Variants in RABGAP1L observed in about 807,000 individuals in gnomAD.
RABGAP1L encodes the protein RAB GTPase activating protein 1 like.
A neutral mutation model predicts 137.7 loss-of-function variants in RABGAP1L; 63 were observed. The observed-to-expected ratio is 0.46, with a 90% CI of 0.37 to 0.56. RABGAP1L has a LOEUF of 0.56. Among genes scored for constraint, RABGAP1L ranks in the 20% least tolerant of loss-of-function variants. RABGAP1L has a pLI of 0.00. For missense variants in RABGAP1L, 1,095 were observed against 1,244.0 expected (o/e 0.88, Z 1.80); for synonymous variants, 431 against 433.7 (o/e 0.99, Z 0.08).
intron 20 of RABGAP1L, among the ~76,000 whole-genome samples, chr1:174,967,132 C>A (rs767498998): frequency 6.6e-6 from 1 of 151,082 alleles, no homozygotes; most frequent in Non-Finnish European, 1.5e-5. Context: ...AGGAAGGCAG[C>A]GTAAGCATTT....
intron 11 of RABGAP1L, among the ~76,000 whole-genome samples, chr1:174,323,872 G>T (rs996248985): frequency 1.3e-5 from 2 of 152,170 alleles, no homozygotes; most frequent in Admixed American, 6.5e-5. Flanking sequence ...GTTATTAAAG[G>T]CTTGAAAAGG....
At chr1:174,735,281 A>AT (rs371513037) in intron 17 of RABGAP1L, among the ~76,000 whole-genome samples, 85 of 151,552 alleles carry the variant, frequency 5.6e-4, no homozygotes, top group South Asian at 3.6e-3. Flanking sequence ...CAGCCATCTT[A>AT]TTTTTTTATA....
chr1:174,203,896 C>A lies in RABGAP1L; in HGVS notation c.-33-15229C>A, dbSNP rs117493673. On this transcript the variant is annotated intron_variant, in intron 1 of 25. Transcript: ENST00000681986. Reference sequence around the variant, plus strand: ...CTTTCTGATTTGGCTCTTGGCTTAGCTGTTGTTGGTGTATAGGAATGCTAG... The same window carrying A: ...CTTTCTGATTTGGCTCTTGGCTTAGATGTTGTTGGTGTATAGGAATGCTAG... Among the ~76,000 whole-genome samples, 263 of 148,988 alleles carry A rather than the reference C, an allele frequency of 1.8e-3. 1 individual carries two copies. In the East Asian group the frequency reaches 0.028, roughly 16 times the overall value.
chr1:174,187,045 C>T (rs1666855659), intron 1 of RABGAP1L, among the ~76,000 whole-genome samples: 1 of 152,146 alleles, frequency 6.6e-6, no homozygotes. Flanking sequence ...TTTTCAGTTT[C>T]CGAAACTTGC....
In RABGAP1L at chr1:174,573,804, A is replaced by G. The variant is rs561506447; in HGVS notation, c.1711-63571A>G. ...CTGAGAGTAGTAAGTGCTTAACAGAAATATTTAGAAAAAAGTAAAACCAAA... is the reference window on the plus strand; with the variant it reads ...CTGAGAGTAGTAAGTGCTTAACAGAGATATTTAGAAAAAAGTAAAACCAAA... On this transcript the variant is annotated intron_variant, in intron 13 of 25. Transcript: ENST00000681986. Among the ~76,000 whole-genome samples the G allele has an allele frequency of 2.6e-5, 4 of 152,340 alleles. 1 individual carries two copies. In the South Asian group the frequency reaches 8.3e-4, roughly 32 times the overall value.
intron 13 of RABGAP1L, among the ~76,000 whole-genome samples, chr1:174,458,856 A>G (rs1295533290): frequency 6.6e-6 from 1 of 152,134 alleles, no homozygotes; most frequent in African/African-American, 2.4e-5. Flanking sequence ...GAGTTAATTT[A>G]CTTATAAGTA....
chr1:174,662,102 C>CTTTTTTT (rs749496325), intron 14 of RABGAP1L, among the ~76,000 whole-genome samples: 94 of 90,250 alleles, frequency 1.0e-3, no homozygotes, highest in African/African-American at 1.2e-3. Flanking sequence ...CTTTTCTTTT[C>CTTTTTTT]TTTTTTTTTT....
intron 18 of RABGAP1L, among the ~76,000 whole-genome samples, chr1:174,798,678 T>TA (rs1688465343): frequency 6.6e-6 from 1 of 152,196 alleles, no homozygotes; most frequent in South Asian, 2.1e-4. Flanking sequence ...TGGTTATTTG[T>TA]AGATATGTAA....
At chr1:174,725,144 G>C (rs552945836) in intron 17 of RABGAP1L, among the ~76,000 whole-genome samples, 1 of 152,308 alleles carries the variant, frequency 6.6e-6, no homozygotes, top group Non-Finnish European at 1.5e-5. Flanking sequence ...AGATGACTAT[G>C]GCTGTTGTGA....
intron 13 of RABGAP1L, among the ~76,000 whole-genome samples, chr1:174,503,438 G>A (rs1010274247): frequency 6.6e-6 from 1 of 152,004 alleles, no homozygotes; most frequent in African/African-American, 2.4e-5. Context: ...AAGGTGGGTG[G>A]ACCATGAGGT....
intron 19 of RABGAP1L, among the ~76,000 whole-genome samples, chr1:174,881,353 G>C (rs1041171547): frequency 2.6e-5 from 4 of 151,810 alleles, no homozygotes; most frequent in African/African-American, 9.7e-5. Flanking sequence ...GCAGATCTTG[G>C]GGTATTATAA....
At chr1:174,262,466 G>C (rs1673655491) in intron 7 of RABGAP1L, among the ~76,000 whole-genome samples, 1 of 152,104 alleles carries the variant, frequency 6.6e-6, no homozygotes, top group Non-Finnish European at 1.5e-5. Flanking sequence ...ATTCCAGTTT[G>C]AAGTAATTGT....
At chr1:174,384,568 T>C (rs1686579618) in intron 12 of RABGAP1L, among the ~76,000 whole-genome samples, 1 of 152,188 alleles carries the variant, frequency 6.6e-6, no homozygotes. Context: ...TAGATGGCTA[T>C]TTGAAGTGTG....
intron 17 of RABGAP1L, among the ~76,000 whole-genome samples, chr1:174,742,792 C>T (rs1023908402): frequency 3.3e-5 from 5 of 150,926 alleles, no homozygotes; most frequent in African/African-American, 1.2e-4. Flanking sequence ...AAGGTGAATG[C>T]CAGTATTCAA....
chr1:174,612,346 G>A (rs1671334391), intron 13 of RABGAP1L, among the ~76,000 whole-genome samples: 1 of 152,140 alleles, frequency 6.6e-6, no homozygotes, highest in Non-Finnish European at 1.5e-5. Flanking sequence ...CTGTTTATAT[G>A]CTGGATTACA....
chr1:174,251,996 A>T (rs901577291), intron 6 of RABGAP1L, among the ~76,000 whole-genome samples: 2 of 151,570 alleles, frequency 1.3e-5, no homozygotes, highest in East Asian at 3.9e-4. Context: ...TCCTGGGTTC[A>T]ACCAATTCTC....
chr1:174,575,441 A>G (rs1668301614), intron 13 of RABGAP1L, among the ~76,000 whole-genome samples: 1 of 152,218 alleles, frequency 6.6e-6, no homozygotes, highest in Non-Finnish European at 1.5e-5. Flanking sequence ...AGCCAGAAGG[A>G]ACCTCATTCC....
chr1:174,367,130 T>G (rs1265633910), intron 11 of RABGAP1L: 1 of 152,708 alleles, frequency 6.5e-6, no homozygotes, highest in African/African-American at 2.4e-5. Flanking sequence ...GACTTCCTCC[T>G]TTGTTATATG....
chr1:174,486,397 A>T (rs373872699), intron 13 of RABGAP1L, among the ~76,000 whole-genome samples: 30 of 145,002 alleles, frequency 2.1e-4, no homozygotes, highest in East Asian at 2.0e-3. Context: ...CCCAGGCTGG[A>T]GTGCAGTGGC....
Sources: allele counts gnomAD v4.1 joint callset (sites outside exome capture counted in the v4.1 genomes callset), GRCh38; gene constraint gnomAD v4.1.1; transcripts MANE v1.5; gene names NCBI Gene and HGNC (gene_info 2026-07-23, HGNC 2026-07-21).